RBMS3: variants seen among roughly 807,000 people sequenced by gnomAD.
The protein encoded by RBMS3 is RNA binding motif single stranded interacting protein 3, also known as RNA-binding motif, single-stranded-interacting protein 3.
A neutral mutation model predicts 66.8 loss-of-function variants in RBMS3; 27 were observed. That is an observed-to-expected ratio of 0.40 (90% confidence interval 0.30 to 0.56). The LOEUF is 0.56. Among genes scored for constraint, RBMS3 ranks in the 20% least tolerant of loss-of-function variants. RBMS3 has a pLI of 0.40. For missense variants in RBMS3, 513 were observed against 549.5 expected (o/e 0.93, Z 0.66); for synonymous variants, 188 against 183.0 (o/e 1.03, Z -0.22).
chr3:29,805,120 T>G lies in RBMS3; in HGVS notation c.637+42131T>G, dbSNP rs117903123. On this transcript the variant is annotated intron_variant, in intron 6 of 14. Transcript: ENST00000383767. ...TGCATAACAACCTCTTGGTTAATGATGGACTGTGTATATGATGGCGGTCTC... is the reference window on the plus strand; with the variant it reads ...TGCATAACAACCTCTTGGTTAATGAGGGACTGTGTATATGATGGCGGTCTC... 2.8e-4 allele frequency among the ~76,000 whole-genome samples: 42 copies of G among 152,188 alleles called. No individual in the cohort carries two copies. In the East Asian group the frequency reaches 8.1e-3, roughly 29 times the overall value.
chr3:29,554,245 T>C (rs528426210), intron 3 of RBMS3, among the ~76,000 whole-genome samples: 1 of 152,344 alleles, frequency 6.6e-6, no homozygotes, highest in South Asian at 2.1e-4. Context: ...GTAATTTTAA[T>C]AGAAGCACAA....
In RBMS3 at chr3:29,681,624, G is replaced by A. The variant is rs149019137; in HGVS notation, c.400-58096G>A. 1.5e-3 allele frequency among the ~76,000 whole-genome samples: 230 copies of A among 152,028 alleles called. 2 individuals carry two copies. Among genetic ancestry groups the A allele is most frequent in the African/African-American group, 5.2e-3 (217 of 41,442 alleles). On this transcript the variant is annotated intron_variant, in intron 4 of 14. Transcript: ENST00000383767. ...ACAGTGTTTGGTTTTCTGTTCCCGC[G>A]TTAGTTTGCTGAGGATAATGGCTTT...
At chr3:29,299,350 A>G (rs996843698) in intron 1 of RBMS3, among the ~76,000 whole-genome samples, 2 of 151,962 alleles carry the variant, frequency 1.3e-5, no homozygotes, top group Non-Finnish European at 2.9e-5. Flanking sequence ...AAGAGGGCAG[A>G]TGAGAAAAAG....
At chr3:29,998,499 T>G (rs1699401477) in intron 14 of RBMS3, among the ~76,000 whole-genome samples, 1 of 152,328 alleles carries the variant, frequency 6.6e-6, no homozygotes, top group East Asian at 1.9e-4. Context: ...GGCATCACGC[T>G]ACCTGACTTC....
chr3:29,715,022 A>G (rs776411496), intron 4 of RBMS3, among the ~76,000 whole-genome samples: 1 of 152,164 alleles, frequency 6.6e-6, no homozygotes, highest in African/African-American at 2.4e-5. Flanking sequence ...GAAAAAAATA[A>G]AAGCAACAAC....
intron 1 of RBMS3, among the ~76,000 whole-genome samples, chr3:29,352,304 A>T (rs985509953): frequency 6.6e-6 from 1 of 152,016 alleles, no homozygotes; most frequent in African/African-American, 2.4e-5. Context: ...ATTTTGAACA[A>T]TTTTGGCTTC....
intron 3 of RBMS3, among the ~76,000 whole-genome samples, chr3:29,524,952 G>T (rs922959118): frequency 6.6e-6 from 1 of 151,938 alleles, no homozygotes; most frequent in Non-Finnish European, 1.5e-5. Flanking sequence ...AGTTGTTCAG[G>T]GGGCTAAGGC....
chr3:29,973,651 C>T (rs1013020048), intron 12 of RBMS3, among the ~76,000 whole-genome samples: 2 of 151,884 alleles, frequency 1.3e-5, no homozygotes, highest in South Asian at 4.1e-4. Context: ...AACAAAACAA[C>T]ACTTTGGCCT....
intron 4 of RBMS3, among the ~76,000 whole-genome samples, chr3:29,703,112 A>G (rs142716343): frequency 1.2e-3 from 176 of 152,350 alleles, no homozygotes; most frequent in African/African-American, 4.0e-3. Flanking sequence ...GTGATTGTTT[A>G]TTACAATAAT....
At chr3:29,289,258 G>C (rs1030768631) in intron 1 of RBMS3, among the ~76,000 whole-genome samples, 2 of 151,974 alleles carry the variant, frequency 1.3e-5, no homozygotes, top group African/African-American at 4.8e-5. Flanking sequence ...TAAGAGAAGG[G>C]TGGTCCATAC....
intron 1 of RBMS3, among the ~76,000 whole-genome samples, chr3:29,326,254 C>T (rs1330402056): frequency 6.6e-6 from 1 of 152,148 alleles, no homozygotes; most frequent in Non-Finnish European, 1.5e-5. Context: ...GCATGCAATT[C>T]ATCCTCATTC....
chr3:29,935,988 A>T, intron 10 of RBMS3, 98 bp from the exon 11 acceptor site: 1 of 998,830 alleles, frequency 1.0e-6, no homozygotes, highest in Non-Finnish European at 1.5e-6. Context: ...AAGTAAAAAC[A>T]TTTGATGTTC....
chr3:29,388,327 A>C (rs1440895674), intron 1 of RBMS3, among the ~76,000 whole-genome samples: 1 of 152,190 alleles, frequency 6.6e-6, no homozygotes, highest in African/African-American at 2.4e-5. Context: ...ATTCATTGCC[A>C]GATTTTTAGC....
At chr3:29,570,561 G>A (rs978838147) in intron 3 of RBMS3, among the ~76,000 whole-genome samples, 1 of 152,082 alleles carries the variant, frequency 6.6e-6, no homozygotes, top group Non-Finnish European at 1.5e-5. Context: ...CAACAAATAA[G>A]TGAGAACCTG....
At chr3:29,376,295 G>A (rs773424713) in intron 1 of RBMS3, among the ~76,000 whole-genome samples, 5 of 152,156 alleles carry the variant, frequency 3.3e-5, no homozygotes, top group East Asian at 3.9e-4. Context: ...CCACTCTGGA[G>A]CACGTTTAAC....
chr3:29,484,906 A>C (rs2043265503), intron 2 of RBMS3, among the ~76,000 whole-genome samples: 1 of 152,164 alleles, frequency 6.6e-6, no homozygotes, highest in Non-Finnish European at 1.5e-5. Context: ...GCATGTGAAA[A>C]ATGAGTTAGC....
At chr3:29,640,877 G>A (rs1433285908) in intron 4 of RBMS3, among the ~76,000 whole-genome samples, 2 of 151,838 alleles carry the variant, frequency 1.3e-5, no homozygotes, top group Admixed American at 6.6e-5. Context: ...GTTATTTACT[G>A]TCTCTACAGC....
At chr3:29,658,633 G>C (rs1200179186) in intron 4 of RBMS3, among the ~76,000 whole-genome samples, 1 of 152,184 alleles carries the variant, frequency 6.6e-6, no homozygotes, top group Non-Finnish European at 1.5e-5. Flanking sequence ...ATGCTGTTGA[G>C]CTAGATGTCT....
At chr3:29,397,461 G>A (rs963734581) in intron 1 of RBMS3, among the ~76,000 whole-genome samples, 5 of 151,992 alleles carry the variant, frequency 3.3e-5, no homozygotes, top group African/African-American at 7.2e-5. Flanking sequence ...GGTTTTAAAC[G>A]CTTACTGTGT....
Sources: gnomAD v4.1 joint callset for allele counts (sites outside exome capture counted in the v4.1 genomes callset) on GRCh38, gnomAD v4.1.1 for gene constraint, MANE v1.5 for transcripts, NCBI Gene and HGNC (gene_info 2026-07-23, HGNC 2026-07-21) for gene names.